SLC12A8: variants seen among roughly 807,000 people sequenced by gnomAD.
The protein encoded by SLC12A8 is cation-chloride cotransporter 9.
A neutral mutation model predicts 75.6 loss-of-function variants in SLC12A8; 69 were observed. The ratio of observed to expected loss-of-function variants is 0.91; its 90% CI spans 0.75 to 1.11. The LOEUF (loss-of-function observed/expected upper bound fraction) is 1.11, where lower values mean the gene tolerates loss of function less well. Among genes scored for constraint, SLC12A8 ranks in the 50% most tolerant of loss-of-function variants. The probability of loss-of-function intolerance (pLI) is 0.00; values close to 1 mark genes in which losing one functional copy is unlikely to be tolerated. For missense variants in SLC12A8, 877 were observed against 896.7 expected (o/e 0.98, Z 0.28); for synonymous variants, 365 against 372.8 (o/e 0.98, Z 0.24).
At chr3:125,103,003 G>T (rs1938921895) in intron 10 of SLC12A8, among the ~76,000 whole-genome samples, 1 of 152,110 alleles carries the variant, frequency 6.6e-6, no homozygotes, top group African/African-American at 2.4e-5. Flanking sequence ...TATATTTGTT[G>T]TATACCAAGA....
chr3:125,211,270 T>G, intron 2 of SLC12A8, 29 bp downstream of exon 2: 2 of 1,606,844 alleles, frequency 1.2e-6, no homozygotes, highest in Non-Finnish European at 1.7e-6. Context: ...CAGGCCTCCA[T>G]CACAGACCCT....
At chr3:125,086,604 T>C (rs888006334) in intron 13 of SLC12A8, among the ~76,000 whole-genome samples, 2 of 152,206 alleles carry the variant, frequency 1.3e-5, no homozygotes, top group Admixed American at 6.5e-5. Flanking sequence ...TTACACAGAA[T>C]CTATTTCCAT....
intron 5 of SLC12A8, among the ~76,000 whole-genome samples, chr3:125,166,979 G>A (rs999965117): frequency 1.3e-5 from 2 of 152,144 alleles, no homozygotes; most frequent in African/African-American, 2.4e-5. Context: ...GGACGGGGTC[G>A]GTGAAGGTAC....
intron 6 of SLC12A8, among the ~76,000 whole-genome samples, chr3:125,122,151 T>C (rs1933075564): frequency 2.0e-5 from 3 of 152,206 alleles, no homozygotes; most frequent in African/African-American, 7.2e-5. Context: ...TTAAGACGCA[T>C]ATTAGAAAAC....
intron 5 of SLC12A8, among the ~76,000 whole-genome samples, chr3:125,139,090 G>T (rs1225191269): frequency 6.6e-6 from 1 of 152,098 alleles, no homozygotes; most frequent in African/African-American, 2.4e-5. Context: ...ACAATTGAAA[G>T]CCCACTTTCT....
chr3:125,182,969 C>T (rs1196356951), intron 4 of SLC12A8, among the ~76,000 whole-genome samples: 1 of 152,170 alleles, frequency 6.6e-6, no homozygotes, highest in Non-Finnish European at 1.5e-5. Context: ...TAACTGACTA[C>T]AATGAATATC....
Position 125,177,763 on chromosome 3 carries a change from G to T in SLC12A8, c.602C>A (p.Ser201Tyr), listed in dbSNP as rs1343331342. 9 of 1,613,984 alleles carry T rather than the reference G, an allele frequency of 5.6e-6. No individual in the cohort carries two copies. Among genetic ancestry groups the T allele is most frequent in the Non-Finnish European group, 7.6e-6 (9 of 1,179,880 alleles). ...CTTACCTGGGTCCAGGTGGGTGAAAGAACCCACCACAAAGTCCAGTGTGGA... is the reference window on the plus strand; with the variant it reads ...CTTACCTGGGTCCAGGTGGGTGAAATAACCCACCACAAAGTCCAGTGTGGA... ...AVSTLDFVVG[S>Y]FTHLDPEHGF... The change falls in exon 5 of 14, where the codon TCT (serine) becomes TAT (tyrosine). Residue 201 changes from serine to tyrosine, a missense_variant. Ser to Tyr is a moderately radical substitution (Grantham distance 144). Coordinates refer to ENST00000469902, the MANE Select transcript of SLC12A8 (RefSeq NM_024628.6).
intron 4 of SLC12A8, among the ~76,000 whole-genome samples, chr3:125,179,704 T>TGA (rs5852445): frequency 4.6e-4 from 69 of 150,378 alleles, no homozygotes; most frequent in Middle Eastern, 3.5e-3. Flanking sequence ...CAATCATTTC[T>TGA]GAGAGAGAGA....
chr3:125,099,011 G>A (rs1231658054), intron 10 of SLC12A8, among the ~76,000 whole-genome samples: 1 of 152,206 alleles, frequency 6.6e-6, no homozygotes, highest in Non-Finnish European at 1.5e-5. Context: ...TTCCCTGGAT[G>A]ACTAGAAAAC....
At chr3:125,088,394 C>A in intron 12 of SLC12A8, 24 bp from the exon 13 acceptor site, 1 of 1,613,392 alleles carries the variant, frequency 6.2e-7, no homozygotes, top group East Asian at 2.2e-5. Context: ...ATATACATAA[C>A]CATTTTTGAA....
intron 8 of SLC12A8, among the ~76,000 whole-genome samples, chr3:125,117,363 G>A (rs62265708): frequency 0.15 from 22,127 of 150,054 alleles, 1,947 homozygotes; most frequent in Middle Eastern, 0.29. Flanking sequence ...GAGGTGGGAG[G>A]ATCACTCAAA....
rs116089687 is a variant in SLC12A8 at position 125,155,457 on chromosome 3, T to C, written c.623-19675A>G. ...CAGGAATTGATGTAGACATCTGACA[T>C]AATTTTCTGATGGCTTATTAGAAAT... On this transcript the variant is annotated intron_variant, in intron 5 of 13. Coordinates refer to ENST00000469902, the MANE Select transcript of SLC12A8 (RefSeq NM_024628.6). Among the ~76,000 whole-genome samples the C allele has an allele frequency of 4.0e-3, 616 of 152,100 alleles. 7 individuals are homozygous for C. Among genetic ancestry groups the C allele is most frequent in the African/African-American group, 0.014 (595 of 41,446 alleles).
chr3:125,126,282 A>G (rs1412747405), intron 6 of SLC12A8, among the ~76,000 whole-genome samples: 3 of 152,188 alleles, frequency 2.0e-5, no homozygotes, highest in African/African-American at 7.2e-5. Context: ...AGCCACCTAG[A>G]CATTGACATC....
At chr3:125,152,537 G>A (rs747384701) in intron 5 of SLC12A8, among the ~76,000 whole-genome samples, 23 of 152,094 alleles carry the variant, frequency 1.5e-4, no homozygotes, top group East Asian at 7.7e-4. Context: ...AGAAGAAACC[G>A]TCTTCAAAAT....
intron 3 of SLC12A8, among the ~76,000 whole-genome samples, chr3:125,189,026 G>A (rs140468994): frequency 3.9e-5 from 6 of 152,274 alleles, no homozygotes; most frequent in South Asian, 2.1e-4. Context: ...GCTAGACTAC[G>A]GCAACTAATT....
At chr3:125,106,204 T>C (rs1190553250) in intron 10 of SLC12A8, among the ~76,000 whole-genome samples, 1 of 152,218 alleles carries the variant, frequency 6.6e-6, no homozygotes. Context: ...TATGTGACTT[T>C]TAATATTATT....
intron 3 of SLC12A8, among the ~76,000 whole-genome samples, chr3:125,188,267 G>A (rs1351653596): frequency 9.9e-5 from 15 of 152,204 alleles, no homozygotes; most frequent in Non-Finnish European, 2.1e-4. Context: ...CTTCCCCCAT[G>A]AGTGAAAGCT....
intron 5 of SLC12A8, among the ~76,000 whole-genome samples, chr3:125,153,236 G>A (rs1019273062): frequency 5.3e-5 from 8 of 152,166 alleles, no homozygotes; most frequent in Non-Finnish European, 1.0e-4. Flanking sequence ...TACTTTCCAA[G>A]ATGCCAGGAT....
intron 2 of SLC12A8, among the ~76,000 whole-genome samples, chr3:125,203,149 A>AAT (rs1935160764): frequency 6.6e-6 from 1 of 151,492 alleles, no homozygotes; most frequent in Admixed American, 6.6e-5. Context: ...TAAAATGGCC[A>AAT]TACTATGCAA....
Sources: gnomAD v4.1 joint callset for allele counts (sites outside exome capture counted in the v4.1 genomes callset) on GRCh38, gnomAD v4.1.1 for gene constraint, MANE v1.5 for transcripts, NCBI Gene and HGNC (gene_info 2026-07-23, HGNC 2026-07-21) for gene names.